Variants in RAPGEF2 observed in about 807,000 individuals in gnomAD.
RAPGEF2 encodes the protein PDZ domain containing guanine nucleotide exchange factor (GEF) 1.
Under a neutral mutation model 186.7 loss-of-function variants are expected in RAPGEF2, and 54 were observed. That is an observed-to-expected ratio of 0.29 (90% CI 0.23 to 0.36). The LOEUF is 0.36. Ranked by LOEUF, RAPGEF2 falls within the 10% of genes least tolerant of loss-of-function variation. RAPGEF2 has a pLI of 1.00. For synonymous variants in RAPGEF2, 712 were observed against 705.9 expected (o/e 1.01, Z -0.14); for missense variants, 1,532 against 2,045.0 (o/e 0.75, Z 4.84).
At chr4:159,216,515 G>A (rs762639568) in intron 4 of RAPGEF2, among the ~76,000 whole-genome samples, 2 of 151,996 alleles carry the variant, frequency 1.3e-5, no homozygotes, top group Non-Finnish European at 2.9e-5. Context: ...AGGATTCAGC[G>A]AGGACAATTC....
intron 3 of RAPGEF2, among the ~76,000 whole-genome samples, chr4:159,194,827 T>TGA (rs1296678406): frequency 3.3e-5 from 5 of 152,150 alleles, no homozygotes; most frequent in Admixed American, 1.3e-4. Flanking sequence ...CTCCCAACCC[T>TGA]CCCTATCTAC....
intron 4 of RAPGEF2, among the ~76,000 whole-genome samples, chr4:159,218,544 T>C (rs1028942603): frequency 2.6e-5 from 4 of 152,042 alleles, no homozygotes; most frequent in Non-Finnish European, 5.9e-5. Context: ...TCACCTGAGG[T>C]CAGGAGTTCA....
chr4:159,290,100 A>G (rs961848703), intron 7 of RAPGEF2, among the ~76,000 whole-genome samples: 1 of 152,052 alleles, frequency 6.6e-6, no homozygotes, highest in African/African-American at 2.4e-5. Context: ...TGGCTGCGAC[A>G]TGAAGAAGAG....
chr4:159,323,643 A>G lies in RAPGEF2; in HGVS notation c.1149+26A>G, dbSNP rs527296479. ...GTATAAAATATATCATTAAAAATAT[A>G]TATTTTATTCTTAATAAAGAACACT... is the stretch of plus-strand genomic sequence containing the variant. On this transcript the variant is annotated intron_variant, in intron 11 of 29. Transcript: ENST00000691494. 6.7e-5 allele frequency: 90 copies of G among 1,335,676 alleles called. No homozygotes were observed. In the African/African-American group the frequency reaches 1.3e-3, roughly 19 times the overall value. 82.7% of individuals were successfully genotyped at this position (1,335,676 alleles called of 1,614,324 possible).
chr4:159,134,627 G>A (rs186592208), intron 1 of RAPGEF2, among the ~76,000 whole-genome samples: 14 of 152,228 alleles, frequency 9.2e-5, no homozygotes, highest in Admixed American at 8.5e-4. Flanking sequence ...CTGCATCCTC[G>A]TCAGCACTTA....
Position 159,355,919 on chromosome 4 carries a change from C to T in RAPGEF2, c.4718C>T (p.Thr1573Ile). The T allele has an allele frequency of 1.2e-6, 1 of 812,244 alleles. No homozygotes were observed. Among genetic ancestry groups the T allele is most frequent in the Middle Eastern group, 2.7e-4 (1 of 3,738 alleles). 50.3% of individuals were successfully genotyped at this position (812,244 alleles called of 1,614,324 possible). Residue 1573 changes from threonine (T) to isoleucine (I), a missense_variant, in exon 29 of 30, where the codon ACT (threonine) becomes ATT (isoleucine). Physicochemically the swap from Thr to Ile is moderately conservative, Grantham distance 89. Coordinates refer to ENST00000691494, the MANE Select transcript of RAPGEF2 (RefSeq NM_001394067.2). ...TPPGYIGIPI[T>I]DFPEGHSHPA... ...CCCGGCTACATTGGAATTCCCATTA[C>T]TGACTTTCCAGAAGGGCACTCCCAT... is the stretch of plus-strand genomic sequence containing the variant.
chr4:159,295,734 T>C (rs1010901751), intron 7 of RAPGEF2, among the ~76,000 whole-genome samples: 2 of 129,728 alleles, frequency 1.5e-5, no homozygotes, highest in African/African-American at 7.2e-5. Context: ...TGTGTGTGTG[T>C]GTGTGTGTGT....
chr4:159,200,206 G>T (rs1749254756), intron 3 of RAPGEF2, among the ~76,000 whole-genome samples: 1 of 152,152 alleles, frequency 6.6e-6, no homozygotes, highest in Non-Finnish European at 1.5e-5. Flanking sequence ...AGTGGCTCAT[G>T]CCTGTAATCC....
chr4:159,254,600 CTTTTTTTTTT>C (rs34644510), intron 7 of RAPGEF2, among the ~76,000 whole-genome samples: 1 of 124,586 alleles, frequency 8.0e-6, no homozygotes, highest in Non-Finnish European at 1.7e-5. Context: ...TACAGCATGA[CTTTTTTTTTT>C]TTTTTTTTTT....
intron 4 of RAPGEF2, among the ~76,000 whole-genome samples, chr4:159,229,130 G>T (rs866120329): frequency 7.9e-5 from 12 of 152,232 alleles, no homozygotes; most frequent in Non-Finnish European, 8.8e-5. Context: ...GGAAACAGGG[G>T]TGTGAAAAAA....
chr4:159,326,687 A>G (rs1161762059), intron 11 of RAPGEF2: 1 of 152,188 alleles, frequency 6.6e-6, no homozygotes, highest in East Asian at 1.9e-4. Flanking sequence ...TCAGAGCTTG[A>G]TATACACACC....
chr4:159,313,371 C>T (rs1764174834), intron 8 of RAPGEF2, among the ~76,000 whole-genome samples: 2 of 152,140 alleles, frequency 1.3e-5, no homozygotes, highest in African/African-American at 4.8e-5. Flanking sequence ...AATTATTTCT[C>T]TTCACCTAAG....
rs1162900924 is a variant in RAPGEF2, at chr4:159,280,901, A to T, written c.544-23441A>T. Among the ~76,000 whole-genome samples the T allele has an allele frequency of 2.0e-5, 3 of 152,020 alleles. No individual in the cohort carries two copies. In the South Asian group the frequency reaches 6.2e-4, roughly 32 times the overall value. On this transcript the variant is annotated intron_variant, in intron 7 of 29. Coordinates refer to ENST00000691494, the MANE Select transcript of RAPGEF2 (RefSeq NM_001394067.2). Reference sequence around the variant, plus strand: ...TTTTTGTGTAGTAAAACAATAAAGTACTTTATTTACCAAGGACCTTGATTT... The same window carrying T: ...TTTTTGTGTAGTAAAACAATAAAGTTCTTTATTTACCAAGGACCTTGATTT...
At chr4:159,327,224 A>G (rs942470651) in intron 11 of RAPGEF2, 1 of 152,248 alleles carries the variant, frequency 6.6e-6, no homozygotes, top group Non-Finnish European at 1.5e-5. Flanking sequence ...ATCCTATGAT[A>G]TAAACTGTCA....
chr4:159,342,864 C>A, intron 20 of RAPGEF2, 115 bp from the exon 21 acceptor site: 1 of 926,336 alleles, frequency 1.1e-6, no homozygotes, highest in Non-Finnish European at 1.6e-6. Flanking sequence ...CTTATGCAGC[C>A]TTCTGTAAAT....
chr4:159,242,718 T>TA (rs58138173), intron 6 of RAPGEF2, among the ~76,000 whole-genome samples: 93,703 of 151,650 alleles, frequency 0.62, 30,017 homozygotes, highest in African/African-American at 0.74. Context: ...CCATTGTCCA[T>TA]AAAAAAGGTA....
chr4:159,291,172 G>C lies in RAPGEF2; in HGVS notation c.544-13170G>C, dbSNP rs946589503. On this transcript the variant is annotated intron_variant, in intron 7 of 29. Transcript: ENST00000691494. ...CTAGAAAAGGAGTACCTGTGGTGGT[G>C]GTTGTTGCATAAAATCTAGAAGCAA... 2.0e-5 allele frequency among the ~76,000 whole-genome samples: 3 copies of C among 152,274 alleles called. No individual in the cohort carries two copies. In the East Asian group the frequency reaches 5.8e-4, roughly 29 times the overall value.
At chr4:159,210,607 A>G (rs1750425466) in intron 4 of RAPGEF2, 24 bp downstream of exon 4, 12 of 1,453,522 alleles carry the variant, frequency 8.3e-6, no homozygotes, top group East Asian at 2.5e-5. Context: ...ATTCTGTAAT[A>G]GATTATCCAT....
chr4:159,225,366 A>G (rs1015358969), intron 4 of RAPGEF2, among the ~76,000 whole-genome samples: 3 of 152,224 alleles, frequency 2.0e-5, no homozygotes, highest in African/African-American at 7.2e-5. Context: ...AATTTTGTAA[A>G]TGAGGCAGTA....
Sources: allele counts gnomAD v4.1 joint callset (sites outside exome capture counted in the v4.1 genomes callset), GRCh38; gene constraint gnomAD v4.1.1; transcripts MANE v1.5; gene names NCBI Gene and HGNC (gene_info 2026-07-23, HGNC 2026-07-21).